The following NCOR2 variants were observed in gnomAD, a reference collection of about 807,000 sequenced individuals.
NCOR2 encodes nuclear receptor corepressor 2.
In NCOR2, 81 loss-of-function variants were observed where a neutral mutation model predicts 262.9. The ratio of observed to expected loss-of-function variants is 0.31; its 90% CI spans 0.26 to 0.37. NCOR2 has a LOEUF of 0.37. NCOR2 is among the 10% of genes least tolerant of loss of function. The pLI is 1.00. For missense variants in NCOR2, 3,385 were observed against 3,621.4 expected (o/e 0.93, Z 1.68); for synonymous variants, 1,659 against 1,559.3 (o/e 1.06, Z -1.51).
chr12:124,384,022 AGGGAGCCCCAGAGAGGGGAGGCGGG>A (rs1363655737), intron 17 of NCOR2, among the ~76,000 whole-genome samples: 93 of 151,018 alleles, frequency 6.2e-4, no homozygotes, highest in African/African-American at 2.1e-3. Flanking sequence ...GGACAGGCGG[AGGGAGCCCCAGAGAGGGGAGGCGGG>A]GGGAGGAGAG....
At chr12:124,407,417 T>C (rs2042336259) in intron 13 of NCOR2, among the ~76,000 whole-genome samples, 1 of 152,200 alleles carries the variant, frequency 6.6e-6, no homozygotes, top group Admixed American at 6.5e-5. Flanking sequence ...GCCTACCAAG[T>C]GGCACTTTGG....
At chr12:124,376,258 T>C (rs1054676943) in intron 18 of NCOR2, among the ~76,000 whole-genome samples, 88 of 152,090 alleles carry the variant, frequency 5.8e-4, no homozygotes, top group African/African-American at 1.8e-3. Flanking sequence ...CAGCAGAGCA[T>C]GCCCCTCCCC....
chr12:124,384,923 C>T (rs1217751853), intron 17 of NCOR2, among the ~76,000 whole-genome samples: 1 of 151,990 alleles, frequency 6.6e-6, no homozygotes, highest in African/African-American at 2.4e-5. Flanking sequence ...GTGCTGATCT[C>T]ATAACTGTGG....
At chr12:124,421,515 G>C (rs961715073) in intron 12 of NCOR2, among the ~76,000 whole-genome samples, 4 of 152,280 alleles carry the variant, frequency 2.6e-5, no homozygotes, top group Admixed American at 2.6e-4. Context: ...TCCCCACTCT[G>C]CTCGGTCTCT....
chr12:124,400,736 G>C (rs1308283721), intron 14 of NCOR2, 63 bp from the exon 17 acceptor site: 3 of 1,568,182 alleles, frequency 1.9e-6, no homozygotes, highest in Non-Finnish European at 2.6e-6. Context: ...ACAGCCACTG[G>C]AGGAGACTGT....
chr12:124,511,502 C>A (rs986003376), intron 1 of NCOR2, among the ~76,000 whole-genome samples: 40 of 152,172 alleles, frequency 2.6e-4, no homozygotes, highest in Admixed American at 8.5e-4. Context: ...AGTCACCAGA[C>A]GCGTGGGGAA....
chr12:124,424,167 G>A (rs1021022635), intron 11 of NCOR2, among the ~76,000 whole-genome samples: 5 of 152,300 alleles, frequency 3.3e-5, no homozygotes, highest in South Asian at 2.1e-4. Context: ...GAGATCTTCC[G>A]AAAGGCTGAA....
At chr12:124,339,101 C>T (rs1378726816) in intron 37 of NCOR2, among the ~76,000 whole-genome samples, 14 of 131,570 alleles carry the variant, frequency 1.1e-4, no homozygotes, top group African/African-American at 4.0e-4. Context: ...TATCCTTCCT[C>T]CCACCTACCT....
At chr12:124,429,171 C>T (rs1256113959) in intron 10 of NCOR2, among the ~76,000 whole-genome samples, 11 of 152,362 alleles carry the variant, frequency 7.2e-5, no homozygotes, top group Admixed American at 5.9e-4. Flanking sequence ...CTTCGGCCTG[C>T]GCCATGCTCC....
At chr12:124,374,306 G>C in intron 19 of NCOR2, 107 bp downstream of exon 21, 1 of 1,161,638 alleles carries the variant, frequency 8.6e-7, no homozygotes, top group Admixed American at 2.0e-5. Context: ...GGCGCTCACA[G>C]AAAGAGGCAT....
chr12:124,336,564 G>A (rs2035924992), intron 38 of NCOR2, 189 bp downstream of exon 40: 1 of 972,220 alleles, frequency 1.0e-6, no homozygotes, highest in African/African-American at 1.8e-5. Context: ...AAAAAACGGG[G>A]GCCAAAGTAA....
At chr12:124,353,304 G>A (rs1396219018) in intron 27 of NCOR2, among the ~76,000 whole-genome samples, 1 of 152,216 alleles carries the variant, frequency 6.6e-6, no homozygotes, top group Non-Finnish European at 1.5e-5. Context: ...GCACCCGAGG[G>A]CCCTCAGCCT....
chr12:124,420,172 C>A, intron 12 of NCOR2, 117 bp from the exon 15 acceptor site: 1 of 764,574 alleles, frequency 1.3e-6, no homozygotes, highest in Non-Finnish European at 2.2e-6. Flanking sequence ...GCTGGGTGAC[C>A]TCGGACAGAT....
exon 47 of NCOR2, chr12:124,325,392 C>CCCCCCCCCCA: frequency 8.7e-7 from 1 of 1,152,268 alleles, no homozygotes; most frequent in Non-Finnish European, 1.1e-6. Flanking sequence ...CCCCCCCGCC[C>CCCCCCCCCCA]TGTTCTGAGT....
intron 37 of NCOR2, 200 bp from the exon 40 acceptor site, chr12:124,337,380 A>G (rs1593109537): frequency 2.7e-6 from 2 of 738,266 alleles, no homozygotes; most frequent in South Asian, 1.5e-5. Flanking sequence ...CATTCCTTGC[A>G]TCATTCCAAA....
chr12:124,410,737 T>G (rs1303851973), intron 13 of NCOR2, among the ~76,000 whole-genome samples: 1 of 152,126 alleles, frequency 6.6e-6, no homozygotes, highest in African/African-American at 2.4e-5. Flanking sequence ...CAGCTAGCCC[T>G]GAATACCAAC....
chr12:124,479,222 A>G (rs952169470), intron 3 of NCOR2, among the ~76,000 whole-genome samples: 1 of 152,174 alleles, frequency 6.6e-6, no homozygotes, highest in Non-Finnish European at 1.5e-5. Flanking sequence ...GCACAAACAC[A>G]TGCACACACA....
intron 1 of NCOR2, among the ~76,000 whole-genome samples, chr12:124,505,263 T>C (rs552425369): frequency 6.6e-6 from 1 of 152,338 alleles, no homozygotes; most frequent in East Asian, 1.9e-4. Flanking sequence ...TGGCACCTCC[T>C]TGGAACCTTC....
intron 20 of NCOR2, among the ~76,000 whole-genome samples, chr12:124,371,165 C>T (rs950310490): frequency 6.6e-6 from 1 of 151,922 alleles, no homozygotes; most frequent in Non-Finnish European, 1.5e-5. Context: ...AAAATGCAGC[C>T]CCCACCTGCC....
Sources: allele counts gnomAD v4.1 joint callset (sites outside exome capture counted in the v4.1 genomes callset), GRCh38; gene constraint gnomAD v4.1.1; transcripts MANE v1.5; gene names NCBI Gene and HGNC (gene_info 2026-07-23, HGNC 2026-07-21).